The following CPAP variants were observed in gnomAD, a reference collection of about 807,000 sequenced individuals.
The protein encoded by CPAP is centrosome assembly and centriole elongation protein, also known as centrosomal P4.1-associated protein.
At chr13:24,889,079 T>C in the CPAP span, 19 of 520,054 alleles carry the variant, frequency 3.7e-5, no homozygotes, top group African/African-American at 3.4e-4. Flanking sequence ...TCGACCAGTA[T>C]AACAATTTAT....
chr13:24,925,104 C>T, the CPAP span, among the ~76,000 whole-genome samples: 1 of 152,124 alleles, frequency 6.6e-6, no homozygotes, highest in African/African-American at 2.4e-5. Context: ...CAGAATAATA[C>T]TTATTGTATT....
the CPAP span, among the ~76,000 whole-genome samples, chr13:24,917,840 G>A: frequency 6.6e-6 from 1 of 152,228 alleles, no homozygotes; most frequent in African/African-American, 2.4e-5. Flanking sequence ...GGGAAGAGTA[G>A]AAAGGCAAAA....
the CPAP span, chr13:24,912,138 A>T: frequency 1.4e-6 from 2 of 1,437,424 alleles, no homozygotes; most frequent in Non-Finnish European, 2.0e-6. Flanking sequence ...CGTTCCCTTA[A>T]TTCCTCCCAT....
the CPAP span, among the ~76,000 whole-genome samples, chr13:24,928,019 G>T: frequency 6.6e-6 from 1 of 152,310 alleles, no homozygotes; most frequent in Non-Finnish European, 1.5e-5. Flanking sequence ...ATTCACACAC[G>T]TGACCCCTTC....
the CPAP span, chr13:24,882,739 T>TACTA: frequency 1.7e-4 from 30 of 171,914 alleles, no homozygotes; most frequent in Non-Finnish European, 2.4e-4. Flanking sequence ...CTAATTTTGG[T>TACTA]ACTAACTGAA....
At chr13:24,884,245 T>TCTGTAA in the CPAP span, 1 of 1,614,098 alleles carries the variant, frequency 6.2e-7, no homozygotes, top group Non-Finnish European at 8.5e-7. Flanking sequence ...TAGTAGTAGA[T>TCTGTAA]CTGTAAAGAC....
the CPAP span, among the ~76,000 whole-genome samples, chr13:24,899,764 C>T: frequency 3.3e-5 from 5 of 152,094 alleles, no homozygotes; most frequent in South Asian, 2.1e-4. Context: ...TGGGTGCCTA[C>T]GATGAATCAG....
chr13:24,916,872 G>A, the CPAP span, among the ~76,000 whole-genome samples: 1,419 of 152,272 alleles, frequency 9.3e-3, 12 homozygotes, highest in Middle Eastern at 0.02. Flanking sequence ...TTACTGATAT[G>A]GAAGTAGTGA....
At chr13:24,895,503 G>A in the CPAP span, among the ~76,000 whole-genome samples, 1 of 152,236 alleles carries the variant, frequency 6.6e-6, no homozygotes, top group Non-Finnish European at 1.5e-5. Context: ...GCGTGAAGCC[G>A]GGAGGGGCCG....
the CPAP span, chr13:24,933,010 A>G: frequency 6.3e-7 from 1 of 1,579,608 alleles, no homozygotes; most frequent in African/African-American, 1.4e-5. Context: ...CAGGATGGTG[A>G]TGGGAATCTT....
At chr13:24,902,838 G>A in the CPAP span, among the ~76,000 whole-genome samples, 2 of 152,140 alleles carry the variant, frequency 1.3e-5, no homozygotes, top group African/African-American at 4.8e-5. Context: ...TTGCATAGCA[G>A]CTACCATCCC....
chr13:24,882,947 A>C, the CPAP span: 11 of 531,960 alleles, frequency 2.1e-5, no homozygotes, highest in South Asian at 1.9e-4. Flanking sequence ...ATTTCTAAAC[A>C]GTCAAAATGC....
At chr13:24,904,138 A>T in the CPAP span, 1 of 1,478,902 alleles carries the variant, frequency 6.8e-7, no homozygotes, top group Admixed American at 1.7e-5. Flanking sequence ...TAACACTAAG[A>T]GCCAAGAATA....
chr13:24,906,926 G>T, the CPAP span: 1 of 1,613,920 alleles, frequency 6.2e-7, no homozygotes. Flanking sequence ...TGGTTGTTTT[G>T]GTTTTGCTTT....
chr13:24,921,836 C>G, the CPAP span, among the ~76,000 whole-genome samples: 1 of 152,092 alleles, frequency 6.6e-6, no homozygotes, highest in Admixed American at 6.5e-5. Context: ...AACTCCCCAC[C>G]AAACACACCT....
At chr13:24,924,025 G>C in the CPAP span, among the ~76,000 whole-genome samples, 5 of 151,990 alleles carry the variant, frequency 3.3e-5, no homozygotes, top group African/African-American at 1.2e-4. Context: ...AGTAGAGAAG[G>C]GGTTTCACCG....
chr13:24,906,838 T>C, the CPAP span: 2 of 1,614,242 alleles, frequency 1.2e-6, no homozygotes, highest in East Asian at 2.2e-5. Flanking sequence ...GGTTAGTCAC[T>C]AGTTTACTTT....
the CPAP span, among the ~76,000 whole-genome samples, chr13:24,913,887 ATATACT>A: frequency 2.0e-5 from 3 of 152,322 alleles, no homozygotes; most frequent in South Asian, 2.1e-4. Flanking sequence ...TGTGTGATAG[ATATACT>A]TAAACAGGAC....
the CPAP span, among the ~76,000 whole-genome samples, chr13:24,897,879 G>A: frequency 2.9e-3 from 444 of 152,202 alleles, 6 homozygotes; most frequent in African/African-American, 0.01. Flanking sequence ...ATTTTGTTAG[G>A]TGTGACAAAG....
Sources: allele counts gnomAD v4.1 joint callset (sites outside exome capture counted in the v4.1 genomes callset), GRCh38; gene constraint gnomAD v4.1.1; transcripts MANE v1.5; gene names NCBI Gene and HGNC (gene_info 2026-07-23, HGNC 2026-07-21).